The following COL19A1 variants were observed in gnomAD, a reference collection of about 807,000 sequenced individuals.
The protein encoded by COL19A1 is collagen alpha-1(XIX) chain.
Under a neutral mutation model 190.2 loss-of-function variants are expected in COL19A1, and 159 were observed. That is an observed-to-expected ratio of 0.84 (90% confidence interval 0.73 to 0.95). The LOEUF (loss-of-function observed/expected upper bound fraction) is 0.95, where lower values mean the gene tolerates loss of function less well. Among genes scored for constraint, COL19A1 ranks in the 40% least tolerant of loss-of-function variants. COL19A1 has a pLI of 0.00. For missense variants in COL19A1, 1,418 were observed against 1,431.9 expected (o/e 0.99, Z 0.16); for synonymous variants, 509 against 458.9 (o/e 1.11, Z -1.39).
chr6:70,040,812 C>A (rs892337431), intron 14 of COL19A1, among the ~76,000 whole-genome samples: 2 of 152,122 alleles, frequency 1.3e-5, no homozygotes, highest in Non-Finnish European at 2.9e-5. Flanking sequence ...TGTCAATCTA[C>A]TTGACTTGAT....
At chr6:70,199,857 A>C in intron 49 of COL19A1, 121 bp downstream of exon 49, 1 of 804,698 alleles carries the variant, frequency 1.2e-6, no homozygotes, top group Non-Finnish European at 1.9e-6. Flanking sequence ...TACATATATA[A>C]ATATATGCAA....
rs551421156 is a variant in COL19A1 at position 69,988,922 on chromosome 6, T to C, written c.1026+26052T>C. Among the ~76,000 whole-genome samples, 5 of 152,362 alleles carry C rather than the reference T, an allele frequency of 3.3e-5. No homozygotes were observed. In the South Asian group the frequency reaches 8.3e-4, roughly 25 times the overall value. On this transcript the variant is annotated intron_variant, in intron 11 of 50. Coordinates refer to ENST00000620364, the MANE Select transcript of COL19A1 (RefSeq NM_001858.6). ...TTCCTTTCACATCTGCTTTTCTTCC[T>C]GCATTTGCTCTTTTCTATTTGTGCT...
chr6:70,156,345 A>T lies in COL19A1; in HGVS notation c.2214A>T (p.Gly738=). ...KGDIGPRGPP[G]IPGREGPKGS... Reference sequence around the variant, plus strand: ...ATATAGGGCCACGGGGTCCTCCAGGAATCCCAGGAAGAGAGGGACCAAAGG... The same window carrying T: ...ATATAGGGCCACGGGGTCCTCCAGGTATCCCAGGAAGAGAGGGACCAAAGG... The change falls in exon 33 of 51, where the codon GGA becomes GGT. Residue 738 remains glycine (G), a synonymous_variant. Transcript: ENST00000620364. The T allele has an allele frequency of 6.2e-7, 1 of 1,613,392 alleles. No homozygotes were observed. Among genetic ancestry groups the T allele is most frequent in the Non-Finnish European group, 8.5e-7 (1 of 1,179,588 alleles).
intron 11 of COL19A1, among the ~76,000 whole-genome samples, chr6:70,001,673 G>A (rs1044271405): frequency 6.6e-6 from 1 of 152,112 alleles, no homozygotes. Flanking sequence ...CTACTTGCCT[G>A]TTGTTGTTGT....
chr6:69,902,497 A>G (rs1770253987), intron 4 of COL19A1, among the ~76,000 whole-genome samples: 1 of 152,120 alleles, frequency 6.6e-6, no homozygotes, highest in Admixed American at 6.5e-5. Context: ...TTCCAGATAG[A>G]CATCTGTCAG....
intron 11 of COL19A1, among the ~76,000 whole-genome samples, chr6:70,002,704 AG>A (rs1472307714): frequency 6.6e-6 from 1 of 150,836 alleles, no homozygotes; most frequent in African/African-American, 2.4e-5. Flanking sequence ...TGTGGGGGTC[AG>A]TGGTGATATC....
intron 4 of COL19A1, among the ~76,000 whole-genome samples, chr6:69,905,988 A>T (rs1372641520): frequency 6.6e-6 from 1 of 152,196 alleles, no homozygotes; most frequent in East Asian, 1.9e-4. Context: ...ATTTGTATAC[A>T]TATTGAGAGC....
chr6:70,149,298 A>G (rs186958719), intron 27 of COL19A1, among the ~76,000 whole-genome samples: 52 of 152,272 alleles, frequency 3.4e-4, no homozygotes, highest in African/African-American at 1.2e-3. Context: ...TACTCCTGTC[A>G]CTGAACACTG....
intron 14 of COL19A1, among the ~76,000 whole-genome samples, chr6:70,065,999 T>C (rs1372694861): frequency 2.6e-5 from 4 of 152,192 alleles, no homozygotes; most frequent in African/African-American, 9.6e-5. Flanking sequence ...ACACTGTTGG[T>C]GGGACTGTAA....
intron 2 of COL19A1, among the ~76,000 whole-genome samples, chr6:69,898,202 TAC>T (rs1318538612): frequency 6.6e-6 from 1 of 152,210 alleles, no homozygotes; most frequent in East Asian, 1.9e-4. Context: ...TGTCCAGTTG[TAC>T]AGTTATCTTG....
At chr6:70,023,446 T>G (rs1358519446) in intron 11 of COL19A1, among the ~76,000 whole-genome samples, 181 bp from the exon 12 acceptor site, 1 of 152,154 alleles carries the variant, frequency 6.6e-6, no homozygotes, top group Non-Finnish European at 1.5e-5. Flanking sequence ...GCAGCTTTTC[T>G]TCGAACTTTT....
chr6:69,988,022 G>T (rs1776403352), intron 11 of COL19A1, among the ~76,000 whole-genome samples: 1 of 152,138 alleles, frequency 6.6e-6, no homozygotes. Flanking sequence ...ACTCATACAG[G>T]TTCTGGAAAA....
chr6:70,151,249 A>T, intron 30 of COL19A1, 148 bp from the exon 31 acceptor site: 1 of 676,252 alleles, frequency 1.5e-6, no homozygotes. Context: ...TCTTTATACG[A>T]AACATAATGT....
At chr6:70,102,386 C>T (rs1375187718) in intron 16 of COL19A1, among the ~76,000 whole-genome samples, 164 bp downstream of exon 16, 5 of 152,132 alleles carry the variant, frequency 3.3e-5, no homozygotes, top group African/African-American at 1.2e-4. Context: ...TCTCTATATT[C>T]CTAACTCCAT....
intron 15 of COL19A1, among the ~76,000 whole-genome samples, chr6:70,080,000 AG>A (rs1195261812): frequency 1.3e-5 from 2 of 152,192 alleles, no homozygotes; most frequent in African/African-American, 4.8e-5. Context: ...AGAGGCCAAA[AG>A]GGAAGGCACA....
chr6:70,195,631 G>T (rs1275254134), intron 48 of COL19A1, among the ~76,000 whole-genome samples: 1 of 152,172 alleles, frequency 6.6e-6, no homozygotes, highest in African/African-American at 2.4e-5. Context: ...AGAGGCACCT[G>T]CCTAGCTGTA....
intron 34 of COL19A1, 137 bp from the exon 35 acceptor site, chr6:70,161,763 A>T: frequency 1.8e-6 from 1 of 567,302 alleles, no homozygotes; most frequent in Non-Finnish European, 2.9e-6. Context: ...AAAAAAGTAT[A>T]TTTGTATATG....
chr6:69,998,196 A>G (rs1337764137), intron 11 of COL19A1, among the ~76,000 whole-genome samples: 1 of 152,254 alleles, frequency 6.6e-6, no homozygotes, highest in Admixed American at 6.5e-5. Context: ...CCTTGCTAGC[A>G]TAAATGAACT....
chr6:70,155,835 T>C (rs1787396251), intron 31 of COL19A1, among the ~76,000 whole-genome samples: 1 of 152,200 alleles, frequency 6.6e-6, no homozygotes, highest in Non-Finnish European at 1.5e-5. Context: ...TTGACTTATG[T>C]GTCTTTTCCT....
Sources: gnomAD v4.1 joint callset for allele counts (sites outside exome capture counted in the v4.1 genomes callset) on GRCh38, gnomAD v4.1.1 for gene constraint, MANE v1.5 for transcripts, NCBI Gene and HGNC (gene_info 2026-07-23, HGNC 2026-07-21) for gene names.